NCR3LG1: variants seen among roughly 807,000 people sequenced by gnomAD.
NCR3LG1 encodes natural cytotoxicity triggering receptor 3 ligand 1.
In NCR3LG1, 35 loss-of-function variants were observed where a neutral mutation model predicts 34.8. The ratio of observed to expected loss-of-function variants is 1.01; its 90% CI spans 0.77 to 1.33. The LOEUF (loss-of-function observed/expected upper bound fraction) is 1.33, where lower values mean the gene tolerates loss of function less well. Ranked by LOEUF, NCR3LG1 falls within the 40% of genes most tolerant of loss-of-function variation. NCR3LG1 has a pLI of 0.00. For missense variants in NCR3LG1, 452 were observed against 423.3 expected, an observed-to-expected ratio of 1.07 and a Z score of -0.60; for synonymous variants, 173 against 163.6, an observed-to-expected ratio of 1.06 and a Z score of -0.44.
At chr11:17,365,038 A>T (rs780027891) in intron 2 of NCR3LG1, among the ~76,000 whole-genome samples, 1 of 152,170 alleles carries the variant, frequency 6.6e-6, no homozygotes, top group Non-Finnish European at 1.5e-5. Flanking sequence ...ATAGTTTTTT[A>T]AAATTCCCTA....
intron 2 of NCR3LG1, among the ~76,000 whole-genome samples, chr11:17,360,597 T>C (rs1267598970): frequency 6.6e-6 from 1 of 151,236 alleles, no homozygotes; most frequent in East Asian, 1.9e-4. Flanking sequence ...ATATTCTATA[T>C]GTATTTTTTT....
At position 17,352,058 on chromosome 11, in the gene NCR3LG1, G is replaced by T; in HGVS notation, c.70+19G>T. 1.4e-6 allele frequency: 2 copies of T among 1,455,346 alleles called. No individual in the cohort carries two copies. Among genetic ancestry groups the T allele is most frequent in the Non-Finnish European group, 9.1e-7 (1 of 1,093,822 alleles). The allele number at this position is 1,455,346 out of a possible 1,614,324, so 90.2% of individuals were successfully genotyped here. A position where few individuals can be genotyped will look rare whatever the true frequency, so the allele number is the denominator to read the frequency against. On this transcript the variant is annotated intron_variant, in intron 1 of 4. Transcript: ENST00000338965. ...ACCGAAGGTAGGGGGCGGCTGGGGTGGGCTGGGGCGGGGGCTCCTGGCGCC... is the reference window on the plus strand; with the variant it reads ...ACCGAAGGTAGGGGGCGGCTGGGGTTGGCTGGGGCGGGGGCTCCTGGCGCC...
At chr11:17,353,695 G>T (rs540241972) in intron 1 of NCR3LG1, among the ~76,000 whole-genome samples, 22 of 136,798 alleles carry the variant, frequency 1.6e-4, no homozygotes, top group African/African-American at 6.6e-4. Context: ...GTTTGGCTGT[G>T]CGGCGGCGCC....
intron 2 of NCR3LG1, among the ~76,000 whole-genome samples, chr11:17,364,631 C>A (rs1953324809): frequency 6.6e-6 from 1 of 152,070 alleles, no homozygotes; most frequent in Non-Finnish European, 1.5e-5. Context: ...ACTGCAACCT[C>A]CGCCTCCTGG....
chr11:17,355,118 A>G (rs184049310), intron 1 of NCR3LG1, among the ~76,000 whole-genome samples: 310 of 152,338 alleles, frequency 2.0e-3, no homozygotes, highest in Non-Finnish European at 3.5e-3. Context: ...GAAAACATCT[A>G]GCCAGTCGCA....
intron 1 of NCR3LG1, among the ~76,000 whole-genome samples, chr11:17,353,804 G>A (rs954789064): frequency 4.6e-5 from 7 of 152,238 alleles, no homozygotes; most frequent in Admixed American, 3.3e-4. Flanking sequence ...TCGGACCCCA[G>A]AACCAGGCGT....
In NCR3LG1 at chr11:17,375,240, T is replaced by C. The variant is rs1325550871; in HGVS notation, c.*2728T>C. 1 of 152,154 alleles carries C rather than the reference T, an allele frequency of 6.6e-6. No homozygotes were observed. Among genetic ancestry groups the C allele is most frequent in the East Asian group, 1.9e-4 (1 of 5,192 alleles). 9.4% of individuals were successfully genotyped at this position (152,154 alleles called of 1,614,324 possible). On this transcript the variant is annotated 3_prime_UTR_variant, in exon 5 of 5. Transcript: ENST00000338965. ...TGACCTTGCCTGATCCCAGACACTT[T>C]CCTCCCAGAGGAAACTGGAGAAACT...
chr11:17,356,945 G>A lies in NCR3LG1; in HGVS notation c.365G>A (p.Cys122Tyr), dbSNP rs1285878467. ...IQLEEAGEYR[C>Y]EVVVTPLKAQ... ...CTGGAGGAAGCAGGAGAGTACCGAT[G>A]TGAGGTGGTGGTCACCCCTCTGAAG... is the stretch of plus-strand genomic sequence containing the variant. The change falls in exon 2 of 5, where the codon TGT (cysteine) becomes TAT (tyrosine). Residue 122 changes from cysteine (C) to tyrosine (Y), a missense_variant. Physicochemically the swap from Cys to Tyr is radical, Grantham distance 194. Coordinates refer to ENST00000338965, the MANE Select transcript of NCR3LG1 (RefSeq NM_001202439.3). The A allele has an allele frequency of 1.3e-6, 2 of 1,535,916 alleles. No individual in the cohort carries two copies. The highest frequency in any genetic ancestry group is 1.2e-5 in the South Asian group (1 of 84,034).
intron 1 of NCR3LG1, among the ~76,000 whole-genome samples, 166 bp from the exon 2 acceptor site, chr11:17,356,485 T>A (rs985303429): frequency 6.6e-6 from 1 of 152,012 alleles, no homozygotes; most frequent in Non-Finnish European, 1.5e-5. Context: ...AGGACTTTCC[T>A]CTTATGACCT....
intron 2 of NCR3LG1, among the ~76,000 whole-genome samples, chr11:17,362,701 TTTCTTTCTTTCTTTCTTTCTTTC>T (rs1953286947): frequency 1.0e-4 from 1 of 9,780 alleles, no homozygotes; most frequent in Admixed American, 1.2e-3. Flanking sequence ...CCTTTCTTTC[TTTCTTTCTTTCTTTCTTTCTTTC>T]TTTCTTTCTT....
intron 2 of NCR3LG1, among the ~76,000 whole-genome samples, chr11:17,361,678 A>G (rs1953271324): frequency 6.6e-6 from 1 of 152,094 alleles, no homozygotes; most frequent in Admixed American, 6.5e-5. Context: ...GTATCCTGCA[A>G]CTTGCTTTAA....
At chr11:17,360,078 G>T (rs1158853006) in intron 2 of NCR3LG1, among the ~76,000 whole-genome samples, 1 of 151,904 alleles carries the variant, frequency 6.6e-6, no homozygotes, top group Non-Finnish European at 1.5e-5. Context: ...GCTAATTTTT[G>T]TATTTTTTGT....
At chr11:17,363,406 G>T (rs1953304150) in intron 2 of NCR3LG1, among the ~76,000 whole-genome samples, 2 of 151,744 alleles carry the variant, frequency 1.3e-5, no homozygotes, top group Non-Finnish European at 2.9e-5. Context: ...CTCTCTCCTT[G>T]CTTGCATTGT....
chr11:17,367,276 T>TA lies in NCR3LG1; in HGVS notation c.690dup (p.Arg231ThrfsTer24). On this transcript the variant is annotated frameshift_variant, in exon 3 of 5. Coordinates refer to ENST00000338965, the MANE Select transcript of NCR3LG1 (RefSeq NM_001202439.3). LOFTEE classifies it high-confidence loss of function. ...CCTGGGACTGTCTACCAGTGTGTGG[T>TA]ACGGCATGCGTCCTTGCATACCCCC... 6.5e-7 allele frequency: 1 copy of TA among 1,536,234 alleles called. No homozygotes were observed. Among genetic ancestry groups the TA allele is most frequent in the Non-Finnish European group, 8.7e-7 (1 of 1,146,922 alleles).
Position 17,351,945 on chromosome 11 carries a change from A to T in NCR3LG1, c.-25A>T. ...GCCGCCTGCTCCCACTCGGCGAAAA[A>T]AATTACACAACAGCAGCCGCGGCGA... On this transcript the variant is annotated 5_prime_UTR_variant, in exon 1 of 5. Coordinates refer to ENST00000338965, the MANE Select transcript of NCR3LG1 (RefSeq NM_001202439.3). 4 of 1,530,132 alleles carry T rather than the reference A, an allele frequency of 2.6e-6. No individual in the cohort carries two copies. Among genetic ancestry groups the T allele is most frequent in the Non-Finnish European group, 3.5e-6 (4 of 1,143,322 alleles). 94.8% of individuals were successfully genotyped at this position (1,530,132 alleles called of 1,614,324 possible).
intron 3 of NCR3LG1, among the ~76,000 whole-genome samples, chr11:17,368,646 G>A (rs1233742468): frequency 6.6e-6 from 1 of 152,154 alleles, no homozygotes; most frequent in Non-Finnish European, 1.5e-5. Flanking sequence ...TGTGGTACGT[G>A]GTGTTCATCT....
chr11:17,367,023 A>G lies in NCR3LG1; in HGVS notation c.436A>G (p.Arg146Gly). Reference protein sequence around the residue: ...QLEVVASPASRLLLDQVGMKE... With the variant: ...QLEVVASPASGLLLDQVGMKE... ...TTCCCTGACAGCTTCCCCAGCCAGC[A>G]GATTGTTGCTGGATCAAGTGGGCAT... Residue 146 changes from arginine to glycine, a missense_variant, in exon 3 of 5, where the codon AGA becomes GGA. Physicochemically the swap from Arg to Gly is moderately radical, Grantham distance 125 (BLOSUM62 -2). Transcript: ENST00000338965. The G allele has an allele frequency of 6.5e-7, 1 of 1,531,510 alleles. No homozygotes were observed. The highest frequency in any genetic ancestry group is 8.7e-7 in the Non-Finnish European group (1 of 1,143,270). 94.9% of individuals were successfully genotyped at this position (1,531,510 alleles called of 1,614,324 possible). A position where few individuals can be genotyped will look rare whatever the true frequency, so the allele number is the denominator to read the frequency against.
Position 17,367,334 on chromosome 11 carries a change from G to T in NCR3LG1, c.747G>T (p.Arg249=). The stretch of plus-strand genomic sequence containing the variant: ...GCAACTTTACCCTGACTGCTGCTCG[G>T]CACAGTCTTTCTGGTAAGGGTCTTT... ...LRSNFTLTAA[R]HSLSETEKTD... Residue 249 remains arginine, a synonymous_variant, in exon 3 of 5, where the codon CGG becomes CGT. Coordinates refer to ENST00000338965, the MANE Select transcript of NCR3LG1 (RefSeq NM_001202439.3). 1 of 1,532,986 alleles carries T rather than the reference G, an allele frequency of 6.5e-7. No individual in the cohort carries two copies. The highest frequency in any genetic ancestry group is 2.4e-5 in the East Asian group (1 of 40,870). The allele number at this position is 1,532,986 out of a possible 1,614,324, so 95.0% of individuals were successfully genotyped here.
intron 2 of NCR3LG1, among the ~76,000 whole-genome samples, chr11:17,362,800 T>C (rs111438826): frequency 0.015 from 1,466 of 98,520 alleles, 86 homozygotes; most frequent in African/African-American, 0.04. Context: ...TTCTCTCTCT[T>C]TCTTTCTTTC....
Sources: gnomAD v4.1 joint callset for allele counts (sites outside exome capture counted in the v4.1 genomes callset) on GRCh38, gnomAD v4.1.1 for gene constraint, MANE v1.5 for transcripts, NCBI Gene and HGNC (gene_info 2026-07-23, HGNC 2026-07-21) for gene names.